L3MBTL4: variants seen among roughly 807,000 people sequenced by gnomAD.
L3MBTL4 encodes lethal(3)malignant brain tumor-like protein 4.
A neutral mutation model predicts 84.5 loss-of-function variants in L3MBTL4; 70 were observed. The observed-to-expected ratio is 0.83, with a 90% CI of 0.68 to 1.01. The LOEUF is 1.01. Ranked by LOEUF, L3MBTL4 falls within the 50% of genes least tolerant of loss-of-function variation. The pLI, the probability that L3MBTL4 is intolerant of heterozygous loss-of-function variation, is 0.00. For missense variants in L3MBTL4, 715 were observed against 754.8 expected (o/e 0.95, Z 0.62); for synonymous variants, 274 against 259.8 (o/e 1.05, Z -0.52).
intron 13 of L3MBTL4, among the ~76,000 whole-genome samples, chr18:6,168,252 C>T (rs2043780470): frequency 6.6e-6 from 1 of 152,146 alleles, no homozygotes; most frequent in Non-Finnish European, 1.5e-5. Flanking sequence ...CCATACTGCC[C>T]AAGGTAATTT....
chr18:6,218,396 A>G (rs1426085564), intron 10 of L3MBTL4, among the ~76,000 whole-genome samples: 2 of 152,164 alleles, frequency 1.3e-5, no homozygotes, highest in Admixed American at 6.5e-5. Context: ...GGCCCCTTCC[A>G]TGCTGGGCTT....
chr18:6,087,636 T>G (rs2058301506), intron 15 of L3MBTL4, among the ~76,000 whole-genome samples: 1 of 152,172 alleles, frequency 6.6e-6, no homozygotes, highest in East Asian at 1.9e-4. Flanking sequence ...GGGCTTAATT[T>G]AGTTATAGAT....
At chr18:6,145,459 T>C (rs2042607406) in intron 13 of L3MBTL4, among the ~76,000 whole-genome samples, 3 of 151,372 alleles carry the variant, frequency 2.0e-5, no homozygotes, top group Admixed American at 2.0e-4. Flanking sequence ...TATAGATGAG[T>C]TATGGATTGA....
chr18:6,406,132 A>C (rs1380062422), intron 1 of L3MBTL4, among the ~76,000 whole-genome samples: 1 of 152,254 alleles, frequency 6.6e-6, no homozygotes, highest in Non-Finnish European at 1.5e-5. Flanking sequence ...AAATCTGGCT[A>C]TGAAAACAAA....
chr18:6,304,215 G>A (rs991579333), intron 3 of L3MBTL4, among the ~76,000 whole-genome samples: 2 of 151,982 alleles, frequency 1.3e-5, no homozygotes, highest in African/African-American at 4.8e-5. Flanking sequence ...AGGTATAAAA[G>A]ATAATTTGTA....
At chr18:5,994,643 T>C (rs1271045018) in intron 16 of L3MBTL4, among the ~76,000 whole-genome samples, 2 of 152,140 alleles carry the variant, frequency 1.3e-5, no homozygotes, top group Non-Finnish European at 2.9e-5. Context: ...GCCACTGTAC[T>C]GCTCTCTTGG....
At chr18:6,380,046 G>A (rs1417008611) in intron 1 of L3MBTL4, among the ~76,000 whole-genome samples, 2 of 152,158 alleles carry the variant, frequency 1.3e-5, no homozygotes, top group African/African-American at 2.4e-5. Flanking sequence ...TTAGTCTTGG[G>A]AGGGTGTATA....
chr18:6,295,309 A>ACTCTCTCTCTCTCT (rs58507219), intron 4 of L3MBTL4, among the ~76,000 whole-genome samples: 11 of 62,738 alleles, frequency 1.8e-4, no homozygotes, highest in Non-Finnish European at 3.0e-4. Context: ...AACAACAACA[A>ACTCTCTCTCTCTCT]CTCTCTCTCT....
intron 14 of L3MBTL4, among the ~76,000 whole-genome samples, chr18:6,099,957 C>T (rs2058766309): frequency 6.6e-6 from 1 of 152,000 alleles, no homozygotes; most frequent in Admixed American, 6.6e-5. Flanking sequence ...TTGTGAAATC[C>T]TGGATATTAT....
At chr18:6,042,045 G>A (rs1045059092) in intron 16 of L3MBTL4, among the ~76,000 whole-genome samples, 2 of 152,018 alleles carry the variant, frequency 1.3e-5, no homozygotes, top group African/African-American at 2.4e-5. Context: ...TCGAACTTCC[G>A]CTTCCTTCAA....
At chr18:6,078,463 A>T (rs2057945128) in intron 16 of L3MBTL4, among the ~76,000 whole-genome samples, 1 of 151,706 alleles carries the variant, frequency 6.6e-6, no homozygotes, top group Non-Finnish European at 1.5e-5. Context: ...AAAGGGGAAA[A>T]AAAGGAAGGA....
Position 6,237,951 on chromosome 18 carries a change from G to A in L3MBTL4, c.784+13C>T. 6.2e-7 allele frequency: 1 copy of A among 1,611,356 alleles called. No individual in the cohort carries two copies. Among genetic ancestry groups the A allele is most frequent in the Non-Finnish European group, 8.5e-7 (1 of 1,177,546 alleles). On this transcript the variant is annotated intron_variant, in intron 10 of 18. Transcript: ENST00000317931. ...AGAGATGACTTCAAAGAAAACCCAGGCAGTCCACTCACCTTGGGGTGCTAT... is the reference window on the plus strand; with the variant it reads ...AGAGATGACTTCAAAGAAAACCCAGACAGTCCACTCACCTTGGGGTGCTAT...
At chr18:6,226,400 T>C (rs897714040) in intron 10 of L3MBTL4, among the ~76,000 whole-genome samples, 1 of 152,130 alleles carries the variant, frequency 6.6e-6, no homozygotes, top group Non-Finnish European at 1.5e-5. Flanking sequence ...AGTGAGATTC[T>C]GCCTCCAAAT....
chr18:6,233,446 T>C (rs1349986497), intron 10 of L3MBTL4, among the ~76,000 whole-genome samples: 3 of 149,900 alleles, frequency 2.0e-5, no homozygotes, highest in African/African-American at 7.6e-5. Flanking sequence ...AAAATCTCCT[T>C]AAGCTGACAA....
At chr18:6,215,861 A>T (rs1017538292) in intron 10 of L3MBTL4, 26 bp from the exon 11 acceptor site, 2 of 1,255,724 alleles carry the variant, frequency 1.6e-6, no homozygotes, top group African/African-American at 3.0e-5. Flanking sequence ...TATAAATAGC[A>T]AAAGATTACT....
chr18:6,025,295 G>T (rs1278823682), intron 16 of L3MBTL4: 1 of 152,192 alleles, frequency 6.6e-6, no homozygotes, highest in Non-Finnish European at 1.5e-5. Context: ...GTTAAGAAGA[G>T]TCACCTCTGC....
chr18:6,104,180 A>T (rs2058923907), intron 14 of L3MBTL4, among the ~76,000 whole-genome samples: 1 of 94,182 alleles, frequency 1.1e-5, no homozygotes, highest in South Asian at 3.5e-4. Context: ...AGAGGTTCCT[A>T]AAAAAATTAA....
At chr18:6,339,095 A>AAT (rs2052482873) in intron 1 of L3MBTL4, among the ~76,000 whole-genome samples, 1 of 152,140 alleles carries the variant, frequency 6.6e-6, no homozygotes, top group African/African-American at 2.4e-5. Flanking sequence ...AAACAACCAG[A>AAT]TCCGCCCCTT....
intron 4 of L3MBTL4, among the ~76,000 whole-genome samples, chr18:6,283,225 T>G (rs2049403168): frequency 1.3e-5 from 2 of 152,236 alleles, no homozygotes; most frequent in Admixed American, 1.3e-4. Flanking sequence ...TCCCATGCTC[T>G]TCACTTTCAT....
Sources: gnomAD v4.1 joint callset for allele counts (sites outside exome capture counted in the v4.1 genomes callset) on GRCh38, gnomAD v4.1.1 for gene constraint, MANE v1.5 for transcripts, NCBI Gene and HGNC (gene_info 2026-07-23, HGNC 2026-07-21) for gene names.